Variants in XXYLT1 observed in about 807,000 individuals in gnomAD.
The protein encoded by XXYLT1 is xyloside xylosyltransferase 1.
A neutral mutation model predicts 28.9 loss-of-function variants in XXYLT1; 20 were observed. The ratio of observed to expected loss-of-function variants is 0.69; its 90% CI spans 0.49 to 1.00. The LOEUF is 1.00. Among genes scored for constraint, XXYLT1 ranks in the 50% least tolerant of loss-of-function variants. The pLI, the probability that XXYLT1 is intolerant of heterozygous loss-of-function variation, is 0.00. For missense variants in XXYLT1, 542 were observed against 560.1 expected (o/e 0.97, Z 0.33); for synonymous variants, 257 against 253.8 (o/e 1.01, Z -0.12).
chr3:195,083,415 T>C (rs920745283), intron 3 of XXYLT1, among the ~76,000 whole-genome samples: 3 of 152,178 alleles, frequency 2.0e-5, no homozygotes, highest in Non-Finnish European at 2.9e-5. Flanking sequence ...GCTTGACTTT[T>C]TCCTTTGGTC....
At position 195,240,524 on chromosome 3, in the gene XXYLT1, G is replaced by A. The variant is rs1256117821; in HGVS notation, c.505-13668C>T. The stretch of plus-strand genomic sequence containing the variant: ...AGTCAGGTCGCAGCCACACTCCTGA[G>A]CCAAGAAGGCACGTGGCAAGGGCTG... On this transcript the variant is annotated intron_variant, in intron 1 of 3. Coordinates refer to ENST00000310380, the MANE Select transcript of XXYLT1 (RefSeq NM_152531.5). This position sits in a 1 kb window ranked among gnomAD's most constrained non-coding sequence, Gnocchi z 4.7. Among the ~76,000 whole-genome samples, 2 of 152,252 alleles carry A rather than the reference G, an allele frequency of 1.3e-5. No individual in the cohort carries two copies. The highest frequency in any genetic ancestry group is 1.9e-4 in the East Asian group (1 of 5,204).
chr3:195,132,335 T>C (rs1454977542), intron 3 of XXYLT1, among the ~76,000 whole-genome samples: 1 of 152,126 alleles, frequency 6.6e-6, no homozygotes, highest in African/African-American at 2.4e-5. Context: ...GGCATGGCAG[T>C]GCGCGCCTAT....
Position 195,070,175 on chromosome 3 carries a change from C to A in XXYLT1, c.786-64G>T. ...GGAACCAGCCTGCCGGCCTGCTGCCCTGGGTCTTCACAGCCAGCCTGCATG... is the reference window on the plus strand; with the variant it reads ...GGAACCAGCCTGCCGGCCTGCTGCCATGGGTCTTCACAGCCAGCCTGCATG... On this transcript the variant is annotated intron_variant, in intron 3 of 3. Transcript: ENST00000310380. 3 of 1,496,314 alleles carry A rather than the reference C, an allele frequency of 2.0e-6. No homozygotes were observed. In the South Asian group the frequency reaches 4.0e-5, roughly 20 times the overall value. 92.7% of individuals were successfully genotyped at this position (1,496,314 alleles called of 1,614,324 possible). A position where few individuals can be genotyped will look rare whatever the true frequency, so the allele number is the denominator to read the frequency against.
At chr3:195,205,615 CA>C (rs1477678103) in intron 2 of XXYLT1, among the ~76,000 whole-genome samples, 1 of 152,190 alleles carries the variant, frequency 6.6e-6, no homozygotes, top group African/African-American at 2.4e-5. Context: ...GGAATCCCAG[CA>C]CTGTGGGAGG....
chr3:195,177,752 C>T (rs1721739124), intron 2 of XXYLT1, among the ~76,000 whole-genome samples: 1 of 151,592 alleles, frequency 6.6e-6, no homozygotes, highest in South Asian at 2.1e-4. Flanking sequence ...ACAGCAAGAT[C>T]CCATCTCTAC....
chr3:195,265,795 C>T (rs986668472), intron 1 of XXYLT1, among the ~76,000 whole-genome samples: 2 of 152,164 alleles, frequency 1.3e-5, no homozygotes, highest in African/African-American at 2.4e-5. Flanking sequence ...ACGAAGACAG[C>T]GCCACCCTCA....
intron 2 of XXYLT1, chr3:195,183,561 T>C (rs1223092340): frequency 1.3e-5 from 2 of 152,208 alleles, no homozygotes; most frequent in Non-Finnish European, 2.9e-5. Context: ...CAGGCTACGA[T>C]TGGTCTGTCC....
At chr3:195,219,853 C>G (rs1021597137) in intron 2 of XXYLT1, among the ~76,000 whole-genome samples, 1 of 152,220 alleles carries the variant, frequency 6.6e-6, no homozygotes, top group African/African-American at 2.4e-5. Flanking sequence ...TTGTTGCCAG[C>G]TGGCTTTGCT....
rs537117111 is a variant in XXYLT1 at position 195,134,873 on chromosome 3, G to A, written c.785+21576C>T. Among the ~76,000 whole-genome samples, 42 of 83,216 alleles carry A rather than the reference G, an allele frequency of 5.0e-4. 1 individual carries two copies. The highest frequency in any genetic ancestry group is 1.9e-3 in the African/African-American group (40 of 21,036). 54.6% of individuals were successfully genotyped at this position (83,216 alleles called of 152,430 possible). Reference sequence around the variant, plus strand: ...TGTGTGTGTGTGTGTGTGTGTGCGTGTGCGCGCGTGCGCGCACGTGCAAAG... The same window carrying A: ...TGTGTGTGTGTGTGTGTGTGTGCGTATGCGCGCGTGCGCGCACGTGCAAAG... On this transcript the variant is annotated intron_variant, in intron 3 of 3. Transcript: ENST00000310380.
intron 3 of XXYLT1, among the ~76,000 whole-genome samples, chr3:195,086,825 T>C (rs1320195243): frequency 6.6e-6 from 1 of 151,936 alleles, no homozygotes; most frequent in African/African-American, 2.4e-5. Context: ...TGCATGTAGG[T>C]GATGAAGGGG....
Position 195,101,842 on chromosome 3 carries a change from G to A in XXYLT1, c.786-31731C>T, listed in dbSNP as rs567659764. ...GGGAAGGGAGGGGAGGGGAGGAGAGGGGAGGGAAGAAAGAAAAAGAAAGTA... is the reference window on the plus strand; with the variant it reads ...GGGAAGGGAGGGGAGGGGAGGAGAGAGGAGGGAAGAAAGAAAAAGAAAGTA... On this transcript the variant is annotated intron_variant, in intron 3 of 3. Transcript: ENST00000310380. Among the ~76,000 whole-genome samples, 6 of 134,238 alleles carry A rather than the reference G, an allele frequency of 4.5e-5. No individual in the cohort carries two copies. In the East Asian group the frequency reaches 1.4e-3, roughly 30 times the overall value. 88.1% of individuals were successfully genotyped at this position (134,238 alleles called of 152,430 possible). A position where few individuals can be genotyped will look rare whatever the true frequency, so the allele number is the denominator to read the frequency against.
intron 3 of XXYLT1, among the ~76,000 whole-genome samples, chr3:195,139,821 T>C (rs564079558): frequency 1.3e-5 from 2 of 152,052 alleles, no homozygotes; most frequent in South Asian, 2.1e-4. Flanking sequence ...CCTCACAGAG[T>C]TGGGGTGGGC....
intron 3 of XXYLT1, among the ~76,000 whole-genome samples, chr3:195,070,749 A>C (rs1286974705): frequency 6.6e-6 from 1 of 152,196 alleles, no homozygotes; most frequent in Non-Finnish European, 1.5e-5. Context: ...TTGAGCCCCA[A>C]GCCTGGCACT....
chr3:195,129,036 T>A lies in XXYLT1; in HGVS notation c.785+27413A>T, dbSNP rs1292416537. ...AGGCAACTAAATCATTAAAATGAAA[T>A]AAAAATTTTCATCTTTTAAAAAATG... On this transcript the variant is annotated intron_variant, in intron 3 of 3. Transcript: ENST00000310380. This position sits in a 1 kb window ranked among gnomAD's most constrained non-coding sequence, Gnocchi z 4.4. Among the ~76,000 whole-genome samples, 1 of 152,134 alleles carries A rather than the reference T, an allele frequency of 6.6e-6. No individual in the cohort carries two copies. Among genetic ancestry groups the A allele is most frequent in the Non-Finnish European group, 1.5e-5 (1 of 68,020 alleles).
intron 3 of XXYLT1, among the ~76,000 whole-genome samples, chr3:195,155,454 G>C (rs995778717): frequency 2.6e-5 from 4 of 152,122 alleles, no homozygotes; most frequent in African/African-American, 9.6e-5. Flanking sequence ...TGGAGAAACA[G>C]CCAGCAACAT....
Position 195,069,909 on chromosome 3 carries a change from C to A in XXYLT1, c.988G>T (p.Asp330Tyr). The A allele has an allele frequency of 1.2e-6, 2 of 1,613,930 alleles. No homozygotes were observed. The change falls in exon 4 of 4, where the codon GAC (aspartate) becomes TAC (tyrosine). Residue 330 changes from aspartate to tyrosine, a missense_variant. By Grantham distance (160) the Asp-to-Tyr change is radical. Transcript: ENST00000310380. ...CCGATCATGGTGAAGAAGTCCTGGT[C>A]CCCGAGGTGGCCGCGGAAGTGGTAC... is the stretch of plus-strand genomic sequence containing the variant. ...DKYHFRGHLG[D>Y]QDFFTMIGME...
intron 3 of XXYLT1, among the ~76,000 whole-genome samples, chr3:195,087,054 C>T (rs1472978995): frequency 3.3e-5 from 5 of 152,162 alleles, no homozygotes; most frequent in African/African-American, 4.8e-5. Context: ...CCTCCTGCCT[C>T]GGTGCAGCTT....
intron 2 of XXYLT1, among the ~76,000 whole-genome samples, chr3:195,187,359 G>C (rs568630232): frequency 6.6e-6 from 1 of 152,052 alleles, no homozygotes; most frequent in African/African-American, 2.4e-5. Context: ...CACCATGCCC[G>C]GCCAGCTGAA....
chr3:195,109,394 A>ATGTG (rs1188193972), intron 3 of XXYLT1, among the ~76,000 whole-genome samples: 3 of 151,056 alleles, frequency 2.0e-5, no homozygotes, highest in African/African-American at 4.9e-5. Context: ...ATAAGTGTGC[A>ATGTG]TGTATGTGTG....
Sources: allele counts gnomAD v4.1 joint callset (sites outside exome capture counted in the v4.1 genomes callset), GRCh38; gene constraint gnomAD v4.1.1; non-coding constraint Gnocchi (gnomAD v3.1); transcripts MANE v1.5; gene names NCBI Gene and HGNC (gene_info 2026-07-23, HGNC 2026-07-21).